Variants in GPSM1 observed in about 807,000 individuals in gnomAD.
GPSM1 encodes G protein signaling modulator 1, also known as G protein-signaling modulator 1.
GPSM1 carries 48 observed loss-of-function variants against 70.5 expected under a neutral mutation model. The ratio of observed to expected loss-of-function variants is 0.68; its 90% CI spans 0.54 to 0.87. The LOEUF (loss-of-function observed/expected upper bound fraction) is 0.87. Ranked by LOEUF, GPSM1 falls within the 40% of genes least tolerant of loss-of-function variation. The pLI is 0.00. For missense variants in GPSM1, 981 were observed against 972.6 expected (o/e 1.01, Z -0.11); for synonymous variants, 416 against 430.1 (o/e 0.97, Z 0.41).
chr9:136,349,694 G>C lies in GPSM1; in HGVS notation c.1386G>C (p.Glu462Asp), dbSNP rs1832610264. The change falls in exon 11 of 14, where the codon GAG becomes GAC. Residue 462 changes from glutamate (E) to aspartate (D), a missense_variant. By Grantham distance (45) the Glu-to-Asp change is conservative. Coordinates refer to ENST00000440944, the MANE Select transcript of GPSM1 (RefSeq NM_001145638.3). ...SRKYQEGPDAERRPREGSHSP... is the reference protein window; with the variant it reads ...SRKYQEGPDADRRPREGSHSP... ...AGTACCAGGAAGGCCCGGACGCTGA[G>C]AGGAGGCCCCGGGAGGGCAGCCACT... is the stretch of plus-strand genomic sequence containing the variant. 6.4e-7 allele frequency: 1 copy of C among 1,564,140 alleles called. No homozygotes were observed. Among genetic ancestry groups the C allele is most frequent in the Admixed American group, 1.9e-5 (1 of 52,222 alleles).
chr9:136,341,564 G>C lies in GPSM1; in HGVS notation c.1207+571G>C, dbSNP rs984802386. On this transcript the variant is annotated intron_variant, in intron 9 of 13. Transcript: ENST00000440944. The surrounding 1 kb of genome is among the most constrained non-coding windows in gnomAD (Gnocchi z 6.7). ...AGCGAAAAGACTAATAGGTGCCAGG[G>C]GGGTGGTGCCAGGTTGGGCCGACTT... The C allele has an allele frequency of 1.4e-4, 140 of 1,031,780 alleles. No individual in the cohort carries two copies. Among genetic ancestry groups the C allele is most frequent in the Non-Finnish European group, 1.6e-4 (134 of 858,684 alleles). The allele number at this position is 1,031,780 out of a possible 1,614,324, so 63.9% of individuals were successfully genotyped here. A position where few individuals can be genotyped will look rare whatever the true frequency, so the allele number is the denominator to read the frequency against.
At chr9:136,337,727 T>G in intron 5 of GPSM1, 119 bp from the exon 6 acceptor site, 1 of 996,716 alleles carries the variant, frequency 1.0e-6, no homozygotes, top group Non-Finnish European at 1.5e-6. Flanking sequence ...AGCTGCTAGC[T>G]GCTCACCCGG....
intron 9 of GPSM1, among the ~76,000 whole-genome samples, chr9:136,347,739 G>A (rs995372829): frequency 1.1e-4 from 17 of 151,870 alleles, no homozygotes; most frequent in East Asian, 3.9e-4. Flanking sequence ...CATTTTTTCC[G>A]TTCGCCAACT....
rs782473674 is a variant in GPSM1 at position 136,355,765 on chromosome 9, G to A, written c.1531G>A (p.Asp511Asn). The change falls in exon 12 of 14, where the codon GAC becomes AAC. Residue 511 changes from aspartate (D) to asparagine (N), a missense_variant. Asp to Asn is a conservative substitution (Grantham distance 23). Transcript: ENST00000440944. ...LLTKFQSSRM[D>N]DQRCPLDDGQ... The stretch of plus-strand genomic sequence containing the variant: ...GACCAAGTTCCAGAGCAGCCGCATG[G>A]ACGACCAGCGTTGTCCCCTGGACGA... 1 of 1,612,458 alleles carries A rather than the reference G, an allele frequency of 6.2e-7. No homozygotes were observed. The highest frequency in any genetic ancestry group is 8.5e-7 in the Non-Finnish European group (1 of 1,179,568).
chr9:136,345,504 C>T (rs954219903), intron 9 of GPSM1, among the ~76,000 whole-genome samples: 4 of 152,230 alleles, frequency 2.6e-5, no homozygotes, highest in Non-Finnish European at 4.4e-5. Context: ...TGGGGCCAGA[C>T]GCAGGCTGTG....
intron 9 of GPSM1, among the ~76,000 whole-genome samples, chr9:136,347,100 G>T (rs533698829): frequency 1.8e-4 from 28 of 152,232 alleles, no homozygotes; most frequent in African/African-American, 6.5e-4. Context: ...CCTGATGCAG[G>T]CAGCCACCAA....
Position 136,337,184 on chromosome 9 carries a change from G to T in GPSM1, c.578+112G>T, listed in dbSNP as rs532244082. ...CCCATACCTCCCGACAGCTCCCAGG[G>T]CAGTGACGGCCAGGTCCGCCCACCC... On this transcript the variant is annotated intron_variant, in intron 4 of 13. Transcript: ENST00000440944. 4,089 of 1,123,592 alleles carry T rather than the reference G, an allele frequency of 3.6e-3. 13 individuals carry two copies. The highest frequency in any genetic ancestry group is 4.6e-3 in the Non-Finnish European group (3,677 of 807,754). The allele number at this position is 1,123,592 out of a possible 1,614,324, so 69.6% of individuals were successfully genotyped here. A position where few individuals can be genotyped will look rare whatever the true frequency, so the allele number is the denominator to read the frequency against.
chr9:136,352,756 G>A (rs1832705995), intron 11 of GPSM1, among the ~76,000 whole-genome samples: 2 of 152,252 alleles, frequency 1.3e-5, no homozygotes, highest in South Asian at 4.1e-4. Context: ...CTGGAGGGAG[G>A]CCCAGGGGCC....
At chr9:136,334,772 G>A (rs1219597668) in intron 2 of GPSM1, 104 bp downstream of exon 2, 26 of 908,136 alleles carry the variant, frequency 2.9e-5, no homozygotes, top group African/African-American at 2.1e-4. Context: ...CTGCTGGCGC[G>A]GTGAGTGGGG....
chr9:136,337,946 C>G lies in GPSM1; in HGVS notation c.803C>G (p.Ala268Gly). Reference sequence around the variant, plus strand: ...GTCTTCCTGGGGCGCTTTGACGTGGCCGCCGAGTACTACAAGTAGGTGGTC... The same window carrying G: ...GTCTTCCTGGGGCGCTTTGACGTGGGCGCCGAGTACTACAAGTAGGTGGTC... ...AHVFLGRFDV[A>G]AEYYKKTLQL... The change falls in exon 6 of 14, where the codon GCC becomes GGC. Residue 268 changes from alanine to glycine, a missense_variant. By Grantham distance (60) the Ala-to-Gly change is moderately conservative (BLOSUM62 0). Transcript: ENST00000440944. The G allele has an allele frequency of 6.2e-7, 1 of 1,607,086 alleles. No homozygotes were observed. The highest frequency in any genetic ancestry group is 1.1e-5 in the South Asian group (1 of 90,814).
chr9:136,336,187 C>G (rs1446608858), intron 3 of GPSM1, 86 bp downstream of exon 3: 1 of 1,430,442 alleles, frequency 7.0e-7, no homozygotes, highest in South Asian at 1.3e-5. Flanking sequence ...GGGTGACTCA[C>G]CACTCATCCA....
rs1204479942 is a variant in GPSM1, at chr9:136,342,327, C to T, written c.1207+1334C>T. 1.3e-5 allele frequency among the ~76,000 whole-genome samples: 2 copies of T among 151,986 alleles called. No homozygotes were observed. Among genetic ancestry groups the T allele is most frequent in the Non-Finnish European group, 2.9e-5 (2 of 67,964 alleles). On this transcript the variant is annotated intron_variant, in intron 9 of 13. Transcript: ENST00000440944. The surrounding 1 kb of genome is among the most constrained non-coding windows in gnomAD (Gnocchi z 5.5). ...TGGGAGCAGCTCTGGAAAGGCTCCG[C>T]GGAGGCTGCGGCTCTGGGTCCTCCC...
At chr9:136,336,826 C>T (rs1564343657) in intron 3 of GPSM1, 95 bp from the exon 4 acceptor site, 4 of 1,273,418 alleles carry the variant, frequency 3.1e-6, no homozygotes, top group East Asian at 5.1e-5. Flanking sequence ...CCCTCGCTGT[C>T]GAGGGCTGGG....
At chr9:136,351,790 G>A (rs1023529395) in intron 11 of GPSM1, among the ~76,000 whole-genome samples, 5 of 152,260 alleles carry the variant, frequency 3.3e-5, no homozygotes, top group African/African-American at 1.2e-4. Flanking sequence ...CCCAGGGTCT[G>A]TGAGGACGTG....
At chr9:136,331,184 C>A (rs1008495895) in intron 1 of GPSM1, among the ~76,000 whole-genome samples, 2 of 152,152 alleles carry the variant, frequency 1.3e-5, no homozygotes, top group Non-Finnish European at 2.9e-5. Flanking sequence ...AGGAAAGGAG[C>A]CAGGCTAGGG....
chr9:136,337,693 G>C, intron 5 of GPSM1, 129 bp downstream of exon 5: 1 of 1,003,982 alleles, frequency 1.0e-6, no homozygotes, highest in South Asian at 1.5e-5. Context: ...ACCGAGTCCT[G>C]GCCTCATCTG....
At position 136,358,575 on chromosome 9, in the gene GPSM1, C is replaced by G; in HGVS notation, c.*355C>G. 2.4e-6 allele frequency: 1 copy of G among 410,650 alleles called. No individual in the cohort carries two copies. The highest frequency in any genetic ancestry group is 4.4e-6 in the Non-Finnish European group (1 of 228,692). The allele number at this position is 410,650 out of a possible 1,614,324, so 25.4% of individuals were successfully genotyped here. Reference sequence around the variant, plus strand: ...AAATGTGAAACCCTGCTGTCTCCCCCACCCTCCCCAAAGGTGTCTCTGAGC... The same window carrying G: ...AAATGTGAAACCCTGCTGTCTCCCCGACCCTCCCCAAAGGTGTCTCTGAGC... On this transcript the variant is annotated 3_prime_UTR_variant, in exon 14 of 14. Transcript: ENST00000440944.
chr9:136,349,833 G>A, intron 11 of GPSM1, 70 bp downstream of exon 11: 1 of 1,421,072 alleles, frequency 7.0e-7, no homozygotes, highest in East Asian at 2.5e-5. Flanking sequence ...CAACTCCACT[G>A]CCAGCCAACG....
intron 11 of GPSM1, among the ~76,000 whole-genome samples, chr9:136,351,002 AT>A (rs1299827426): frequency 2.0e-5 from 3 of 152,174 alleles, no homozygotes; most frequent in Non-Finnish European, 4.4e-5. Flanking sequence ...AGGGGCACCG[AT>A]GGGCCGAGTC....
Sources: gnomAD v4.1 joint callset for allele counts (sites outside exome capture counted in the v4.1 genomes callset) on GRCh38, gnomAD v4.1.1 for gene constraint, Gnocchi (gnomAD v3.1) non-coding constraint, MANE v1.5 for transcripts, NCBI Gene and HGNC (gene_info 2026-07-23, HGNC 2026-07-21) for gene names.